Variants in LRP1B observed in about 807,000 individuals in gnomAD.
The protein encoded by LRP1B is low-density lipoprotein receptor-related protein 1B.
LRP1B carries 217 observed loss-of-function variants against 556.6 expected under a neutral mutation model. That is an observed-to-expected ratio of 0.39 (90% CI 0.35 to 0.44). LRP1B has a LOEUF of 0.44. Among genes scored for constraint, LRP1B ranks in the 20% least tolerant of loss-of-function variants. LRP1B has a pLI of 1.00. For synonymous variants in LRP1B, 2,047 were observed against 1,865.8 expected (o/e 1.10, Z -2.50); for missense variants, 5,053 against 5,620.8 (o/e 0.90, Z 3.23).
intron 3 of LRP1B, among the ~76,000 whole-genome samples, chr2:141,425,319 T>C (rs1054350855): frequency 2.7e-5 from 4 of 148,288 alleles, no homozygotes; most frequent in Admixed American, 6.8e-5. Flanking sequence ...CAGTCTATCA[T>C]TGTTGGACAT....
intron 3 of LRP1B, among the ~76,000 whole-genome samples, chr2:141,365,900 C>G (rs1689017132): frequency 6.6e-6 from 1 of 151,966 alleles, no homozygotes; most frequent in Admixed American, 6.5e-5. Context: ...GTCTTGATCT[C>G]CTGACCTTGT....
intron 7 of LRP1B, among the ~76,000 whole-genome samples, chr2:141,113,670 G>A (rs1171112538): frequency 3.3e-5 from 5 of 151,746 alleles, no homozygotes; most frequent in African/African-American, 4.8e-5. Context: ...ATGGAAAGAT[G>A]GTGTTTAAAA....
At chr2:141,491,126 T>C (rs992966782) in intron 2 of LRP1B, among the ~76,000 whole-genome samples, 3 of 152,114 alleles carry the variant, frequency 2.0e-5, no homozygotes, top group Admixed American at 1.3e-4. Flanking sequence ...GGAAGGACAA[T>C]TGTTGATTGA....
chr2:140,669,652 T>A (rs2105355665), intron 41 of LRP1B, among the ~76,000 whole-genome samples: 1 of 152,224 alleles, frequency 6.6e-6, no homozygotes, highest in South Asian at 2.1e-4. Flanking sequence ...TACTGACAGT[T>A]TTTTTTATAC....
At chr2:141,763,419 A>C (rs148842369) in intron 2 of LRP1B, among the ~76,000 whole-genome samples, 1 of 152,326 alleles carries the variant, frequency 6.6e-6, no homozygotes, top group Admixed American at 6.5e-5. Flanking sequence ...TATAGATTAC[A>C]TTAAAAAGAA....
At chr2:141,301,584 C>A (rs1392471894) in intron 3 of LRP1B, among the ~76,000 whole-genome samples, 1 of 152,076 alleles carries the variant, frequency 6.6e-6, no homozygotes, top group Non-Finnish European at 1.5e-5. Context: ...TTCTTATTCT[C>A]ATTTTCCAAA....
chr2:141,339,483 G>A (rs2683839), intron 3 of LRP1B, among the ~76,000 whole-genome samples: 91,575 of 151,900 alleles, frequency 0.6, 28,469 homozygotes, highest in African/African-American at 0.68. Context: ...ATGCCAGTCA[G>A]CAAGTTAAAC....
At chr2:141,865,387 T>C (rs2105792678) in intron 1 of LRP1B, among the ~76,000 whole-genome samples, 1 of 151,178 alleles carries the variant, frequency 6.6e-6, no homozygotes, top group Non-Finnish European at 1.5e-5. Flanking sequence ...GGTCAGGAGA[T>C]CGAGACCATC....
chr2:141,964,650 A>T (rs1238830202), intron 1 of LRP1B, among the ~76,000 whole-genome samples: 3 of 150,354 alleles, frequency 2.0e-5, no homozygotes, highest in Non-Finnish European at 4.5e-5. Context: ...CCCTAGAAGA[A>T]AACCTAGGCA....
chr2:141,979,532 T>G (rs1352555490), intron 1 of LRP1B, among the ~76,000 whole-genome samples: 1 of 152,072 alleles, frequency 6.6e-6, no homozygotes, highest in East Asian at 1.9e-4. Flanking sequence ...TTTTTTCAGG[T>G]TCTTCTCCCT....
chr2:141,605,511 T>C (rs556116612), intron 2 of LRP1B, among the ~76,000 whole-genome samples: 2 of 152,270 alleles, frequency 1.3e-5, no homozygotes, highest in East Asian at 1.9e-4. Context: ...GATACCTCTA[T>C]AGCTAAGTCA....
chr2:141,019,856 A>G (rs1202632193), intron 12 of LRP1B, 66 bp downstream of exon 12: 2 of 1,175,776 alleles, frequency 1.7e-6, no homozygotes, highest in Non-Finnish European at 2.3e-6. Flanking sequence ...ACTATTATTA[A>G]CTATGTAAGA....
intron 1 of LRP1B, among the ~76,000 whole-genome samples, chr2:141,814,552 A>T (rs1445925113): frequency 6.6e-6 from 1 of 152,214 alleles, no homozygotes; most frequent in African/African-American, 2.4e-5. Flanking sequence ...GGTTGAATGG[A>T]ATTTCAAGAC....
intron 3 of LRP1B, among the ~76,000 whole-genome samples, chr2:141,390,269 C>T (rs759189362): frequency 1.3e-5 from 2 of 151,910 alleles, no homozygotes; most frequent in African/African-American, 4.8e-5. Flanking sequence ...CCTACAAAGG[C>T]TATATTAATA....
intron 3 of LRP1B, among the ~76,000 whole-genome samples, chr2:141,463,285 C>CAAAG (rs1321222028): frequency 1.3e-5 from 2 of 151,828 alleles, no homozygotes; most frequent in Non-Finnish European, 2.9e-5. Context: ...ATCTGAATAG[C>CAAAG]AAAGAATTGT....
intron 2 of LRP1B, among the ~76,000 whole-genome samples, chr2:141,732,204 G>C (rs1427406115): frequency 6.6e-6 from 1 of 152,032 alleles, no homozygotes; most frequent in East Asian, 1.9e-4. Flanking sequence ...CTGTATTTCA[G>C]TAAATAGTTG....
chr2:142,060,560 T>C (rs187546121), intron 1 of LRP1B, among the ~76,000 whole-genome samples: 1 of 152,178 alleles, frequency 6.6e-6, no homozygotes, highest in Admixed American at 6.6e-5. Flanking sequence ...TATTCTGGCT[T>C]ATTTTCATTG....
chr2:140,509,228 T>G (rs1458058870), intron 52 of LRP1B, among the ~76,000 whole-genome samples: 1 of 152,052 alleles, frequency 6.6e-6, no homozygotes, highest in Non-Finnish European at 1.5e-5. Flanking sequence ...TTCTGACAAA[T>G]TGCTCAGCCC....
intron 1 of LRP1B, among the ~76,000 whole-genome samples, chr2:141,989,863 C>T (rs1376218318): frequency 1.3e-5 from 2 of 151,918 alleles, no homozygotes; most frequent in East Asian, 3.9e-4. Context: ...TATAAATTAC[C>T]CAGTCTCAGG....
Sources: gnomAD v4.1 joint callset for allele counts (sites outside exome capture counted in the v4.1 genomes callset) on GRCh38, gnomAD v4.1.1 for gene constraint, MANE v1.5 for transcripts, NCBI Gene and HGNC (gene_info 2026-07-23, HGNC 2026-07-21) for gene names.